Variants in SLC34A2 observed in about 807,000 individuals in gnomAD.
The protein encoded by SLC34A2 is sodium-dependent phosphate transport protein 2B.
A neutral mutation model predicts 50.8 loss-of-function variants in SLC34A2; 41 were observed. The ratio of observed to expected loss-of-function variants is 0.81; its 90% confidence interval spans 0.63 to 1.05. SLC34A2 has a LOEUF of 1.05. SLC34A2 is among the 50% of genes least tolerant of loss of function. SLC34A2 has a pLI of 0.00. For missense variants in SLC34A2, 879 were observed against 876.7 expected (o/e 1.00, Z -0.03); for synonymous variants, 401 against 364.2 (o/e 1.10, Z -1.15).
At chr4:25,657,564 ATTTAT>A (rs1231694613) in intron 1 of SLC34A2, among the ~76,000 whole-genome samples, 3 of 152,190 alleles carry the variant, frequency 2.0e-5, no homozygotes, top group Non-Finnish European at 4.4e-5. Flanking sequence ...TATTTACAGG[ATTTAT>A]TTTAAGATAT....
At chr4:25,664,121 C>A in intron 3 of SLC34A2, 81 bp from the exon 4 acceptor site, 1 of 1,428,478 alleles carries the variant, frequency 7.0e-7, no homozygotes, top group Non-Finnish European at 9.9e-7. Context: ...GAGCTCTGAG[C>A]TCATTGCCAA....
rs1042863005 is a variant in SLC34A2 at position 25,677,148 on chromosome 4, T to C, written c.*399T>C. ...GGCTCTCCCAGATGAGGAAGTGTAC[T>C]CTCTATGACTATCAAGCTCAGGCCT... On this transcript the variant is annotated 3_prime_UTR_variant, in exon 13 of 13. Coordinates refer to ENST00000382051, the MANE Select transcript of SLC34A2 (RefSeq NM_006424.3). 4.7e-6 allele frequency: 1 copy of C among 210,906 alleles called. No individual in the cohort carries two copies. Among genetic ancestry groups the C allele is most frequent in the African/African-American group, 2.3e-5 (1 of 44,208 alleles). The allele number at this position is 210,906 out of a possible 1,614,324, so 13.1% of individuals were successfully genotyped here.
chr4:25,676,327 G>T lies in SLC34A2; in HGVS notation c.1651G>T (p.Gly551Cys). The T allele has an allele frequency of 6.2e-7, 1 of 1,614,144 alleles. No individual in the cohort carries two copies. Among genetic ancestry groups the T allele is most frequent in the African/African-American group, 1.3e-5 (1 of 75,018 alleles). ...PLTVFGLSLA[G>C]WRVLVGVGVP... ...GACGGTGTTTGGCCTCTCGCTGGCCGGCTGGCGGGTGCTGGTTGGTGTCGG... is the reference window on the plus strand; with the variant it reads ...GACGGTGTTTGGCCTCTCGCTGGCCTGCTGGCGGGTGCTGGTTGGTGTCGG... The change falls in exon 13 of 13, where the codon GGC (glycine) becomes TGC (cysteine). Residue 551 changes from glycine (G) to cysteine (C), a missense_variant. Coordinates refer to ENST00000382051, the MANE Select transcript of SLC34A2 (RefSeq NM_006424.3).
In SLC34A2 at chr4:25,664,293, C is replaced by T. The variant is rs79108683; in HGVS notation, c.342C>T (p.Ser114=). Residue 114 remains serine (S), a synonymous_variant, in exon 4 of 13, where the codon TCC becomes TCT. Coordinates refer to ENST00000382051, the MANE Select transcript of SLC34A2 (RefSeq NM_006424.3). ...LLGFLYFFVC[S]LDILSSAFQL... ...GATTTCTCTACTTTTTCGTGTGCTC[C>T]CTGGATATTCTTAGTAGCGCCTTCC... 5.1e-5 allele frequency: 83 copies of T among 1,613,624 alleles called. No individual in the cohort carries two copies. Among genetic ancestry groups the T allele is most frequent in the Middle Eastern group, 3.3e-4 (2 of 6,082 alleles).
In SLC34A2 at chr4:25,674,450, G is replaced by A. The variant is rs750350030; in HGVS notation, c.1333+38G>A. The A allele has an allele frequency of 3.7e-6, 6 of 1,614,068 alleles. No individual in the cohort carries two copies. The Admixed American group carries it at 1.0e-4, about 27-fold the overall frequency. On this transcript the variant is annotated intron_variant, in intron 11 of 12. Coordinates refer to ENST00000382051, the MANE Select transcript of SLC34A2 (RefSeq NM_006424.3). ...CTGGCTTCTCCCTCTGGCCACCACTGCCATTTCCTGTCATCCCATGGGGCT... is the reference window on the plus strand; with the variant it reads ...CTGGCTTCTCCCTCTGGCCACCACTACCATTTCCTGTCATCCCATGGGGCT...
chr4:25,676,838 CGAG>C lies in SLC34A2; in HGVS notation c.*93_*95del, dbSNP rs1314699047. ...CCACTTCTGCACCCTTTCACCACCT[CGAG>C]GAGATTTGCTCCCCATTAGCGAATG... is the stretch of plus-strand genomic sequence containing the variant. On this transcript the variant is annotated 3_prime_UTR_variant, in exon 13 of 13. Transcript: ENST00000382051. 1.8e-5 allele frequency: 29 copies of C among 1,572,974 alleles called. No individual in the cohort carries two copies. The highest frequency in any genetic ancestry group is 2.2e-5 in the Non-Finnish European group (25 of 1,149,926).
chr4:25,670,100 G>A (rs528487094), intron 7 of SLC34A2, among the ~76,000 whole-genome samples: 15 of 152,288 alleles, frequency 9.8e-5, no homozygotes, highest in African/African-American at 3.6e-4. Context: ...GCGTGCACCT[G>A]TAGTCCCAGC....
At chr4:25,675,888 C>T (rs1488305584) in intron 12 of SLC34A2, among the ~76,000 whole-genome samples, 2 of 152,212 alleles carry the variant, frequency 1.3e-5, no homozygotes, top group Admixed American at 1.3e-4. Flanking sequence ...TAATGGTTGC[C>T]ACTCTGTAGA....
Position 25,676,390 on chromosome 4 carries a change from C to T in SLC34A2, c.1714C>T (p.Leu572Phe), listed in dbSNP as rs1373554521. The change falls in exon 13 of 13, where the codon CTC (leucine) becomes TTC (phenylalanine). Residue 572 changes from leucine to phenylalanine, a missense_variant. Transcript: ENST00000382051. ...VVFIIILVLC[L>F]RLLQSRCPRV... is the part of the protein sequence containing the mutation. ...CTTCATCATCATCCTGGTACTGTGC[C>T]TCCGACTCCTGCAGTCTCGCTGCCC... 1.9e-6 allele frequency: 3 copies of T among 1,614,152 alleles called. No individual in the cohort carries two copies. Among genetic ancestry groups the T allele is most frequent in the Non-Finnish European group, 2.5e-6 (3 of 1,179,992 alleles).
rs1183280436 is a variant in SLC34A2, at chr4:25,662,507, C to T, written c.7C>T (p.Pro3Ser). MA[P>S]WPELGDAQPN... ...GTTTTCTCATCCACAGACCATGGCTCCCTGGCCTGAATTGGGAGATGCCCA... is the reference window on the plus strand; with the variant it reads ...GTTTTCTCATCCACAGACCATGGCTTCCTGGCCTGAATTGGGAGATGCCCA... The change falls in exon 2 of 13, where the codon CCC becomes TCC. Residue 3 changes from proline to serine, a missense_variant. Coordinates refer to ENST00000382051, the MANE Select transcript of SLC34A2 (RefSeq NM_006424.3). 6.2e-7 allele frequency: 1 copy of T among 1,613,908 alleles called. No homozygotes were observed. Among genetic ancestry groups the T allele is most frequent in the African/African-American group, 1.3e-5 (1 of 74,878 alleles).
At position 25,662,583 on chromosome 4, in the gene SLC34A2, C is replaced by A; in HGVS notation, c.83C>A (p.Ala28Asp). 6.2e-7 allele frequency: 1 copy of A among 1,614,098 alleles called. No homozygotes were observed. ...GGGGCCGCAGGTCAGCAGCCCACTG[C>A]CCCTGATAAAAGCAAAGAGACCAAC... Reference protein sequence around the residue: ...LEGAAGQQPTAPDKSKETNKT... With the variant: ...LEGAAGQQPTDPDKSKETNKT... Residue 28 changes from alanine to aspartate, a missense_variant, in exon 2 of 13, where the codon GCC becomes GAC. Ala to Asp is a moderately radical substitution (Grantham distance 126). Transcript: ENST00000382051.
At position 25,656,505 on chromosome 4, in the gene SLC34A2, C is replaced by G. The variant is rs1406916427; in HGVS notation, c.-4+615C>G. 2.0e-5 allele frequency: 3 copies of G among 152,194 alleles called. No homozygotes were observed. The East Asian group carries it at 5.8e-4, about 29-fold the overall frequency. 9.4% of individuals were successfully genotyped at this position (152,194 alleles called of 1,614,324 possible). A position where few individuals can be genotyped will look rare whatever the true frequency, so the allele number is the denominator to read the frequency against. On this transcript the variant is annotated intron_variant, in intron 1 of 12. Transcript: ENST00000382051. ...GGCCCGTGGCCATCAGCGAAGGGTC[C>G]GTCCTTCAGCCGTCTTGGGGAGCAA...
rs916066133 is a variant in SLC34A2, at chr4:25,678,497, C to T, written c.*1748C>T. On this transcript the variant is annotated 3_prime_UTR_variant, in exon 13 of 13. Coordinates refer to ENST00000382051, the MANE Select transcript of SLC34A2 (RefSeq NM_006424.3). ...AGTTAAACCCGGGCAGGGGCTGTGG[C>T]CGTCTTTGTACTCTGGTGATTTTTA... 1 of 169,574 alleles carries T rather than the reference C, an allele frequency of 5.9e-6. No individual in the cohort carries two copies. The highest frequency in any genetic ancestry group is 1.3e-5 in the Non-Finnish European group (1 of 77,680). The allele number at this position is 169,574 out of a possible 1,614,324, so 10.5% of individuals were successfully genotyped here.
chr4:25,676,677 C>T lies in SLC34A2; in HGVS notation c.2001C>T (p.Asn667=), dbSNP rs968888194. The T allele has an allele frequency of 2.5e-6, 4 of 1,614,198 alleles. No individual in the cohort carries two copies. Among genetic ancestry groups the T allele is most frequent in the Non-Finnish European group, 8.5e-7 (1 of 1,180,020 alleles). Residue 667 remains asparagine (N), a synonymous_variant, in exon 13 of 13, where the codon AAC becomes AAT. Coordinates refer to ENST00000382051, the MANE Select transcript of SLC34A2 (RefSeq NM_006424.3). ...TCAAGGCTCCTGAGACCTTTGATAA[C>T]ATAACCATTAGCAGAGAGGCTCAGG... is the stretch of plus-strand genomic sequence containing the variant. The part of the protein sequence containing the change: ...VPVKAPETFD[N]ITISREAQGE...
chr4:25,664,072 T>G lies in SLC34A2; in HGVS notation c.251-130T>G. ...TGTAAGGCTGGCTAGACATAAGAAC[T>G]TAACGGCTGCCAGGCTGGGAAGGGA... On this transcript the variant is annotated intron_variant, in intron 3 of 12. Coordinates refer to ENST00000382051, the MANE Select transcript of SLC34A2 (RefSeq NM_006424.3). 2.2e-6 allele frequency: 2 copies of G among 903,798 alleles called. 1 individual carries two copies. Among genetic ancestry groups the G allele is most frequent in the South Asian group, 2.7e-5 (2 of 75,110 alleles). The allele number at this position is 903,798 out of a possible 1,614,324, so 56.0% of individuals were successfully genotyped here.
At chr4:25,671,204 A>G (rs921673592) in intron 8 of SLC34A2, among the ~76,000 whole-genome samples, 1 of 152,006 alleles carries the variant, frequency 6.6e-6, no homozygotes, top group Non-Finnish European at 1.5e-5. Context: ...CCTCTCTCTT[A>G]CTTTCCAGAC....
intron 1 of SLC34A2, among the ~76,000 whole-genome samples, chr4:25,662,035 C>G (rs1714217615): frequency 6.6e-6 from 1 of 152,050 alleles, no homozygotes; most frequent in Non-Finnish European, 1.5e-5. Flanking sequence ...ACCACGCCGG[C>G]TAATTTTTAT....
At chr4:25,665,107 T>C (rs1053787406) in intron 4 of SLC34A2, 3 of 218,552 alleles carry the variant, frequency 1.4e-5, no homozygotes, top group African/African-American at 6.8e-5. Flanking sequence ...CTTGGGAGAG[T>C]TGGGGAGGTG....
chr4:25,674,703 A>C lies in SLC34A2; in HGVS notation c.1458+74A>C, dbSNP rs1416498232. 5.7e-6 allele frequency: 9 copies of C among 1,591,240 alleles called. No individual in the cohort carries two copies. In the East Asian group the frequency reaches 1.8e-4, roughly 32 times the overall value. ...ATGGTCTTGCAAACTGGTCTCTAACAAGAGCCAGGCTTTTCTCTGTACTAT... is the reference window on the plus strand; with the variant it reads ...ATGGTCTTGCAAACTGGTCTCTAACCAGAGCCAGGCTTTTCTCTGTACTAT... On this transcript the variant is annotated intron_variant, in intron 12 of 12. Transcript: ENST00000382051.
Sources: gnomAD v4.1 joint callset for allele counts (sites outside exome capture counted in the v4.1 genomes callset) on GRCh38, gnomAD v4.1.1 for gene constraint, MANE v1.5 for transcripts, NCBI Gene and HGNC (gene_info 2026-07-23, HGNC 2026-07-21) for gene names.